The following TULP4 variants were observed in gnomAD, a reference collection of about 807,000 sequenced individuals.
TULP4 encodes TUB like protein 4, also known as tubby-related protein 4.
Under a neutral mutation model 129.0 loss-of-function variants are expected in TULP4, and 16 were observed. That is an observed-to-expected ratio of 0.12 (90% CI 0.08 to 0.19). TULP4 has a LOEUF of 0.19. TULP4 is among the 10% of genes least tolerant of loss of function. TULP4 has a pLI of 1.00. For synonymous variants in TULP4, 998 were observed against 854.0 expected (o/e 1.17, Z -2.94); for missense variants, 1,842 against 2,059.1 (o/e 0.89, Z 2.04).
At chr6:158,481,032 C>T in intron 7 of TULP4, 23 bp from the exon 8 acceptor site, 1 of 1,535,108 alleles carries the variant, frequency 6.5e-7, no homozygotes, top group Non-Finnish European at 8.8e-7. Context: ...CCCAGCTCTT[C>T]ATTTTCTTCC....
intron 9 of TULP4, among the ~76,000 whole-genome samples, chr6:158,491,581 C>G (rs1780211989): frequency 6.6e-6 from 1 of 151,804 alleles, no homozygotes; most frequent in African/African-American, 2.4e-5. Context: ...CAACCTCCAC[C>G]TCCTGGGTTC....
chr6:158,504,279 G>C, intron 13 of TULP4, 101 bp downstream of exon 13: 1 of 950,338 alleles, frequency 1.1e-6, no homozygotes, highest in East Asian at 2.6e-5. Context: ...GGGAAATGTG[G>C]AAAACAACGA....
chr6:158,334,510 T>TA lies in TULP4; in HGVS notation c.252+20242_252+20243insA, dbSNP rs1779987712. Among the ~76,000 whole-genome samples, 6 of 152,372 alleles carry TA rather than the reference T, an allele frequency of 3.9e-5. No homozygotes were observed. In the East Asian group the frequency reaches 1.2e-3, roughly 29 times the overall value. ...CTGTTTATGTTATTGGTAAGGCTACTGATCAGCAATAGACATGAGTAAATA... is the reference window on the plus strand; with the variant it reads ...CTGTTTATGTTATTGGTAAGGCTACTAGATCAGCAATAGACATGAGTAAATA... On this transcript the variant is annotated intron_variant, in intron 1 of 13. Coordinates refer to ENST00000367097, the MANE Select transcript of TULP4 (RefSeq NM_020245.5).
intron 1 of TULP4, among the ~76,000 whole-genome samples, chr6:158,325,631 G>A (rs1268959531): frequency 6.6e-6 from 1 of 152,118 alleles, no homozygotes; most frequent in Non-Finnish European, 1.5e-5. Flanking sequence ...GGGTTCAGGC[G>A]TGAGCCACCG....
At chr6:158,464,302 A>T (rs1405269409) in intron 6 of TULP4, among the ~76,000 whole-genome samples, 1 of 152,238 alleles carries the variant, frequency 6.6e-6, no homozygotes, top group East Asian at 1.9e-4. Context: ...CTGTGGAAAG[A>T]TAGGACATCT....
intron 6 of TULP4, among the ~76,000 whole-genome samples, chr6:158,466,220 G>A (rs624107): frequency 0.42 from 63,470 of 151,960 alleles, 14,557 homozygotes; most frequent in African/African-American, 0.62. Flanking sequence ...AGTTTTTAAG[G>A]TTTTTCTGGG....
intron 9 of TULP4, among the ~76,000 whole-genome samples, chr6:158,491,377 T>C (rs532432178): frequency 3.9e-5 from 6 of 152,186 alleles, no homozygotes; most frequent in African/African-American, 1.4e-4. Flanking sequence ...GGTTGTTTTA[T>C]TGAGTTATAA....
intron 1 of TULP4, among the ~76,000 whole-genome samples, chr6:158,338,906 T>G (rs529840195): frequency 6.6e-6 from 1 of 152,358 alleles, no homozygotes; most frequent in South Asian, 2.1e-4. Context: ...ACTCCCTTCC[T>G]GTGAGTCTCT....
At chr6:158,392,794 C>CTTTTTTTTTCTTTTT (rs1777615562) in intron 1 of TULP4, among the ~76,000 whole-genome samples, 1 of 54,642 alleles carries the variant, frequency 1.8e-5, no homozygotes, top group Non-Finnish European at 3.0e-5. Context: ...ATTTGTATTT[C>CTTTTTTTTTCTTTTT]TTTTTTTTTT....
intron 1 of TULP4, among the ~76,000 whole-genome samples, chr6:158,344,827 G>A (rs1780264185): frequency 1.3e-5 from 2 of 152,294 alleles, no homozygotes; most frequent in South Asian, 4.1e-4. Context: ...ACTCAATGAG[G>A]AAGACATATC....
At chr6:158,399,791 AC>A (rs1219084281) in intron 1 of TULP4, among the ~76,000 whole-genome samples, 5 of 152,254 alleles carry the variant, frequency 3.3e-5, no homozygotes, top group African/African-American at 1.2e-4. Context: ...CAGAATTCAT[AC>A]ACATTTGTCT....
intron 1 of TULP4, among the ~76,000 whole-genome samples, chr6:158,331,535 A>G (rs1200217628): frequency 6.6e-6 from 1 of 151,150 alleles, no homozygotes; most frequent in Non-Finnish European, 1.5e-5. Context: ...AAGATGTTTC[A>G]GCATCATCTT....
chr6:158,481,863 C>T (rs1019144374), intron 8 of TULP4, among the ~76,000 whole-genome samples: 5 of 152,188 alleles, frequency 3.3e-5, no homozygotes, highest in Admixed American at 2.6e-4. Context: ...ATTCAAGATG[C>T]TCCCTGCACA....
chr6:158,413,652 G>A lies in TULP4; in HGVS notation c.381+459G>A, dbSNP rs917499264. Among the ~76,000 whole-genome samples the A allele has an allele frequency of 7.2e-5, 11 of 152,192 alleles. No homozygotes were observed. The highest frequency in any genetic ancestry group is 2.1e-4 in the South Asian group (1 of 4,822). ...CTCTTCCACAGGCTTCAATCAGCAC[G>A]GCCTCCTGTTGTCATCCTCCAGCTC... is the stretch of plus-strand genomic sequence containing the variant. On this transcript the variant is annotated intron_variant, in intron 2 of 13. Coordinates refer to ENST00000367097, the MANE Select transcript of TULP4 (RefSeq NM_020245.5). The surrounding 1 kb of genome is among the most constrained non-coding windows in gnomAD (Gnocchi z 4.9).
chr6:158,510,311 T>C lies in TULP4; in HGVS notation c.*3617T>C, dbSNP rs538339870. On this transcript the variant is annotated 3_prime_UTR_variant, in exon 14 of 14. Transcript: ENST00000367097. The stretch of plus-strand genomic sequence containing the variant: ...CATGGAAGAATGTGTTATGTTCATC[T>C]TGTAATCATAGCAAAAAGTCTGCAA... 1 of 152,464 alleles carries C rather than the reference T, an allele frequency of 6.6e-6. No individual in the cohort carries two copies. The highest frequency in any genetic ancestry group is 2.4e-5 in the African/African-American group (1 of 41,586). 9.4% of individuals were successfully genotyped at this position (152,464 alleles called of 1,614,324 possible). A position where few individuals can be genotyped will look rare whatever the true frequency, so the allele number is the denominator to read the frequency against.
At chr6:158,394,395 C>T (rs778685019) in intron 1 of TULP4, among the ~76,000 whole-genome samples, 5 of 151,738 alleles carry the variant, frequency 3.3e-5, no homozygotes, top group Non-Finnish European at 5.9e-5. Flanking sequence ...TACCCAGTTT[C>T]GAAGTCGCTT....
At chr6:158,370,457 CAAAAAAAAAAAAA>C (rs533005080) in intron 1 of TULP4, among the ~76,000 whole-genome samples, 13 of 28,898 alleles carry the variant, frequency 4.5e-4, no homozygotes, top group African/African-American at 4.6e-4. Flanking sequence ...AACTCCATCT[CAAAAAAAAAAAAA>C]AAAAAAAAAA....
intron 1 of TULP4, among the ~76,000 whole-genome samples, chr6:158,377,545 C>T (rs1777219923): frequency 6.6e-6 from 1 of 152,212 alleles, no homozygotes; most frequent in Admixed American, 6.5e-5. Flanking sequence ...TTCAAATCTT[C>T]ACTTGACAAT....
At chr6:158,397,689 CAT>C (rs1562549866) in intron 1 of TULP4, among the ~76,000 whole-genome samples, 1 of 152,196 alleles carries the variant, frequency 6.6e-6, no homozygotes, top group Admixed American at 6.5e-5. Flanking sequence ...CTCTCCCACT[CAT>C]GTGCCTGAGT....
Sources: gnomAD v4.1 joint callset for allele counts (sites outside exome capture counted in the v4.1 genomes callset) on GRCh38, gnomAD v4.1.1 for gene constraint, Gnocchi (gnomAD v3.1) non-coding constraint, MANE v1.5 for transcripts, NCBI Gene and HGNC (gene_info 2026-07-23, HGNC 2026-07-21) for gene names.